Variants in NR3C2 observed in about 807,000 individuals in gnomAD.
The protein encoded by NR3C2 is nuclear receptor subfamily 3 group C member 2.
A neutral mutation model predicts 86.4 loss-of-function variants in NR3C2; 15 were observed. The observed-to-expected ratio is 0.17, with a 90% CI of 0.12 to 0.27. NR3C2 has a LOEUF of 0.27. Among genes scored for constraint, NR3C2 ranks in the 10% least tolerant of loss-of-function variants. The pLI is 1.00. For missense variants in NR3C2, 960 were observed against 1,195.6 expected, an observed-to-expected ratio of 0.80 and a Z score of 2.91; for synonymous variants, 458 against 450.5, an observed-to-expected ratio of 1.02 and a Z score of -0.21.
At chr4:148,424,091 G>T (rs376793103) in intron 2 of NR3C2, among the ~76,000 whole-genome samples, 1 of 152,290 alleles carries the variant, frequency 6.6e-6, no homozygotes. Context: ...AAGGTACATT[G>T]ATAACAGAAC....
chr4:148,148,492 T>C (rs1733968086), intron 6 of NR3C2, among the ~76,000 whole-genome samples: 1 of 152,184 alleles, frequency 6.6e-6, no homozygotes, highest in Admixed American at 6.5e-5. Context: ...GCTCTTAAAA[T>C]AAAGAGCCAA....
At chr4:148,211,640 G>C (rs1737290160) in intron 3 of NR3C2, among the ~76,000 whole-genome samples, 1 of 152,174 alleles carries the variant, frequency 6.6e-6, no homozygotes, top group Non-Finnish European at 1.5e-5. Context: ...AGGGAGTTTG[G>C]TTAACACCTC....
intron 8 of NR3C2, among the ~76,000 whole-genome samples, chr4:148,094,758 A>AAT (rs890104325): frequency 2.0e-5 from 3 of 149,142 alleles, no homozygotes; most frequent in Non-Finnish European, 3.0e-5. Flanking sequence ...AAAAAAACAA[A>AAT]ATATGTTCAC....
chr4:148,110,114 T>A (rs1731984514), intron 8 of NR3C2, among the ~76,000 whole-genome samples: 2 of 152,238 alleles, frequency 1.3e-5, no homozygotes. Context: ...ACTCCTAGTA[T>A]CCTTACCACA....
chr4:148,266,816 T>A (rs539383012), intron 2 of NR3C2, among the ~76,000 whole-genome samples: 1 of 152,228 alleles, frequency 6.6e-6, no homozygotes, highest in African/African-American at 2.4e-5. Flanking sequence ...AATAATGGTG[T>A]GAAGTAGGGT....
At chr4:148,360,370 TC>T (rs1256456552) in intron 2 of NR3C2, among the ~76,000 whole-genome samples, 1 of 152,188 alleles carries the variant, frequency 6.6e-6, no homozygotes, top group Non-Finnish European at 1.5e-5. Context: ...TAAAAGTGGA[TC>T]ATAGCAACAT....
At position 148,328,859 on chromosome 4, in the gene NR3C2, G is replaced by C. The variant is rs112037161; in HGVS notation, c.1758-68742C>G. On this transcript the variant is annotated intron_variant, in intron 2 of 8. Transcript: ENST00000358102. The stretch of plus-strand genomic sequence containing the variant: ...TCTAACCCAGGGCTTTCTGAGTCCA[G>C]ATGAATTCTTGGTGATTTCAAAGCC... 7.2e-3 allele frequency among the ~76,000 whole-genome samples: 1,097 copies of C among 152,296 alleles called. 14 individuals carry two copies. The highest frequency in any genetic ancestry group is 0.024 in the African/African-American group (1,008 of 41,558).
At chr4:148,242,572 T>C (rs1379520508) in intron 3 of NR3C2, among the ~76,000 whole-genome samples, 1 of 152,156 alleles carries the variant, frequency 6.6e-6, no homozygotes, top group Non-Finnish European at 1.5e-5. Flanking sequence ...TAAAGCAACA[T>C]CACAACATAA....
chr4:148,316,930 T>C (rs980645305), intron 2 of NR3C2, among the ~76,000 whole-genome samples: 3 of 151,964 alleles, frequency 2.0e-5, no homozygotes, highest in Admixed American at 6.6e-5. Flanking sequence ...GCCTCCTGAG[T>C]AGCTGGGATG....
At chr4:148,129,214 T>C (rs1308424574) in intron 6 of NR3C2, among the ~76,000 whole-genome samples, 2 of 152,212 alleles carry the variant, frequency 1.3e-5, no homozygotes, top group Non-Finnish European at 1.5e-5. Context: ...TTCTGACATA[T>C]GCTACACCAT....
chr4:148,218,666 G>T (rs568054678), intron 3 of NR3C2, among the ~76,000 whole-genome samples: 8 of 152,192 alleles, frequency 5.3e-5, no homozygotes, highest in African/African-American at 1.9e-4. Flanking sequence ...CTGCCCATCT[G>T]CAGTTAATTC....
At chr4:148,444,808 C>G (rs1174903950), upstream of NR3C2, 1 of 984,974 alleles carries the variant, frequency 1.0e-6, no homozygotes, top group Non-Finnish European at 1.2e-6. Context: ...TGGCGGGCCC[C>G]TCTCCCGGGG....
At chr4:148,081,552 A>C in intron 8 of NR3C2, 53 bp from the exon 9 acceptor site, 4 of 1,612,420 alleles carry the variant, frequency 2.5e-6, no homozygotes, top group Non-Finnish European at 3.4e-6. Context: ...CCGACCCTGG[A>C]TCCCTCTGCC....
chr4:148,186,750 T>G (rs1735913811), intron 4 of NR3C2, among the ~76,000 whole-genome samples: 1 of 151,570 alleles, frequency 6.6e-6, no homozygotes, highest in African/African-American at 2.4e-5. Flanking sequence ...AGTAGTCTTT[T>G]ATCCCTTACC....
chr4:148,218,530 AT>A (rs531132481), intron 3 of NR3C2, among the ~76,000 whole-genome samples: 60 of 151,510 alleles, frequency 4.0e-4, no homozygotes, highest in African/African-American at 1.1e-3. Flanking sequence ...TCAAGTACAC[AT>A]TTTTTTTTAA....
Position 148,186,988 on chromosome 4 carries a change from GTA to G in NR3C2, c.2014+7756_2014+7757del, listed in dbSNP as rs1491106389. Among the ~76,000 whole-genome samples, 39 of 13,688 alleles carry G rather than the reference GTA, an allele frequency of 2.8e-3. 2 individuals carry two copies. The highest frequency in any genetic ancestry group is 0.018 in the African/African-American group (21 of 1,158). The allele number at this position is 13,688 out of a possible 152,430, so 9.0% of individuals were successfully genotyped here. On this transcript the variant is annotated intron_variant, in intron 4 of 8. Transcript: ENST00000358102. ...ATAGTATTCCATCATACTGATGTGT[GTA>G]TGTATGTATATATATATATATATAT...
Position 148,325,584 on chromosome 4 carries a change from A to G in NR3C2, c.1758-65467T>C, listed in dbSNP as rs928267609. ...TCCTGACAGTAGAGGTATTTCATAC[A>G]TGTGATTATCATCTACCAAGTGCGT... On this transcript the variant is annotated intron_variant, in intron 2 of 8. Transcript: ENST00000358102. Among the ~76,000 whole-genome samples, 9 of 152,348 alleles carry G rather than the reference A, an allele frequency of 5.9e-5. No homozygotes were observed. The East Asian group carries it at 1.7e-3, about 29-fold the overall frequency.
chr4:148,144,897 G>C (rs775219736), intron 6 of NR3C2, among the ~76,000 whole-genome samples: 2 of 152,188 alleles, frequency 1.3e-5, no homozygotes, highest in African/African-American at 2.4e-5. Flanking sequence ...CCAAGGGCCA[G>C]GTAGGAATGA....
At chr4:148,189,902 T>C (rs1307248449) in intron 4 of NR3C2, among the ~76,000 whole-genome samples, 1 of 152,234 alleles carries the variant, frequency 6.6e-6, no homozygotes, top group Non-Finnish European at 1.5e-5. Flanking sequence ...TTTTGTTCCT[T>C]AGTGAGGTTA....
Sources: gnomAD v4.1 joint callset for allele counts (sites outside exome capture counted in the v4.1 genomes callset) on GRCh38, gnomAD v4.1.1 for gene constraint, MANE v1.5 for transcripts, NCBI Gene and HGNC (gene_info 2026-07-23, HGNC 2026-07-21) for gene names.